MAK16: variants seen among roughly 807,000 people sequenced by gnomAD.
MAK16 encodes the protein MAK16 homolog.
A neutral mutation model predicts 49.9 loss-of-function variants in MAK16; 12 were observed. The observed-to-expected ratio is 0.24, with a 90% CI of 0.15 to 0.39. The LOEUF is 0.39. Among genes scored for constraint, MAK16 ranks in the 10% least tolerant of loss-of-function variants. The pLI, the probability that MAK16 is intolerant of heterozygous loss-of-function variation, is 1.00. For missense variants in MAK16, 292 were observed against 363.7 expected, an observed-to-expected ratio of 0.80 and a Z score of 1.60; for synonymous variants, 115 against 126.4, an observed-to-expected ratio of 0.91 and a Z score of 0.60.
At position 33,489,522 on chromosome 8, in the gene MAK16, A is replaced by G. The variant is rs933719565; in HGVS notation, c.392+383A>G. ...CTCCTGAGCAGCTAGGATTACAGGC[A>G]TGGACCACCATGCCTGGTTAATTTT... On this transcript the variant is annotated intron_variant, in intron 5 of 9. Transcript: ENST00000360128. The surrounding 1 kb of genome is among the most constrained non-coding windows in gnomAD (Gnocchi z 4.2). 2.8e-4 allele frequency among the ~76,000 whole-genome samples: 42 copies of G among 152,254 alleles called. No homozygotes were observed. The highest frequency in any genetic ancestry group is 8.9e-4 in the African/African-American group (37 of 41,562).
At chr8:33,494,964 A>G (rs1021664972) in intron 6 of MAK16, among the ~76,000 whole-genome samples, 4 of 152,130 alleles carry the variant, frequency 2.6e-5, no homozygotes, top group African/African-American at 9.7e-5. Context: ...GTGCCCCTAC[A>G]CAGTTTTACG....
intron 1 of MAK16, among the ~76,000 whole-genome samples, chr8:33,486,321 G>A (rs1026925754): frequency 2.0e-5 from 3 of 152,148 alleles, no homozygotes; most frequent in African/African-American, 4.8e-5. Flanking sequence ...GGGAGGCTGG[G>A]GCTGGAGGAT....
In MAK16 at chr8:33,500,311, G is replaced by A. The variant is rs927679251; in HGVS notation, c.*1682G>A. The A allele has an allele frequency of 6.2e-7, 1 of 1,613,996 alleles. No homozygotes were observed. Among genetic ancestry groups the A allele is most frequent in the African/African-American group, 1.3e-5 (1 of 75,048 alleles). ...GATAATGAGGCCCAACTGAAACCAA[G>A]TTTCAGTCTGCCTTACCTTTACCCG... On this transcript the variant is annotated 3_prime_UTR_variant, in exon 10 of 10. Coordinates refer to ENST00000360128, the MANE Select transcript of MAK16 (RefSeq NM_032509.4).
rs187717897 is a variant in MAK16, at chr8:33,500,625, C to T, written c.*1996C>T. On this transcript the variant is annotated 3_prime_UTR_variant, in exon 10 of 10. Transcript: ENST00000360128. ...TTAGGTCAAAGTTAAATGAAAAAGA[C>T]CTAAAAACAGAACCAAAGACAGCCT... is the stretch of plus-strand genomic sequence containing the variant. 980 of 1,105,926 alleles carry T rather than the reference C, an allele frequency of 8.9e-4. 1 individual carries two copies. Among genetic ancestry groups the T allele is most frequent in the Admixed American group, 3.1e-3 (116 of 37,122 alleles). 68.5% of individuals were successfully genotyped at this position (1,105,926 alleles called of 1,614,324 possible).
At chr8:33,494,865 G>T (rs1357216897) in intron 6 of MAK16, among the ~76,000 whole-genome samples, 1 of 151,492 alleles carries the variant, frequency 6.6e-6, no homozygotes, top group Non-Finnish European at 1.5e-5. Context: ...TGCAAGTTCC[G>T]CCTCCTGGGT....
At chr8:33,493,597 G>GTGT (rs1486635370) in intron 6 of MAK16, among the ~76,000 whole-genome samples, 2 of 152,100 alleles carry the variant, frequency 1.3e-5, no homozygotes, top group Non-Finnish European at 1.5e-5. Context: ...TTGTTGATAG[G>GTGT]TGGTCTCAAG....
At chr8:33,488,849 C>T (rs1341481629) in intron 4 of MAK16, 51 bp downstream of exon 4, 9 of 1,606,876 alleles carry the variant, frequency 5.6e-6, no homozygotes, top group Admixed American at 1.7e-5. Context: ...GCATCAAAGC[C>T]ACATGCTTGA....
In MAK16 at chr8:33,497,381, G is replaced by A. The variant is rs542103716; in HGVS notation, c.705+84G>A. ...AAAAACAGGGAGGTGGCCAGGCACCGTGGTTCACTCCTATAATTGCAGCAC... is the reference window on the plus strand; with the variant it reads ...AAAAACAGGGAGGTGGCCAGGCACCATGGTTCACTCCTATAATTGCAGCAC... On this transcript the variant is annotated intron_variant, in intron 9 of 9. Coordinates refer to ENST00000360128, the MANE Select transcript of MAK16 (RefSeq NM_032509.4). 2.1e-4 allele frequency: 224 copies of A among 1,046,170 alleles called. No individual in the cohort carries two copies. In the African/African-American group the frequency reaches 2.3e-3, roughly 11 times the overall value. The allele number at this position is 1,046,170 out of a possible 1,614,324, so 64.8% of individuals were successfully genotyped here.
chr8:33,500,089 C>T lies in MAK16; in HGVS notation c.*1460C>T, dbSNP rs888961912. On this transcript the variant is annotated 3_prime_UTR_variant, in exon 10 of 10. Transcript: ENST00000360128. ...TTTGCCCATACTGTCTCGTCCTTAG[C>T]CCCAGTGACATGTGCTGATCCTCCT... The T allele has an allele frequency of 2.2e-6, 1 of 465,012 alleles. No individual in the cohort carries two copies. The allele number at this position is 465,012 out of a possible 1,614,324, so 28.8% of individuals were successfully genotyped here.
chr8:33,487,769 G>A (rs1808711061), intron 1 of MAK16, among the ~76,000 whole-genome samples: 1 of 152,084 alleles, frequency 6.6e-6, no homozygotes, highest in South Asian at 2.1e-4. Flanking sequence ...AAAAGGGAAA[G>A]TTACGAAGTA....
Position 33,488,635 on chromosome 8 carries a change from TC to T in MAK16, c.175+10del, listed in dbSNP as rs1808724133. ...CACTATTAAAGAAGAGAAAGGTAAC[TC>T]CCCAGTTTTAACTTCTAGAAGAACT... is the stretch of plus-strand genomic sequence containing the variant. On this transcript the variant is annotated splice_region_variant and intron_variant, in intron 3 of 9. Coordinates refer to ENST00000360128, the MANE Select transcript of MAK16 (RefSeq NM_032509.4). The T allele has an allele frequency of 2.5e-6, 4 of 1,613,536 alleles. No homozygotes were observed. The South Asian group carries it at 4.4e-5, about 18-fold the overall frequency.
chr8:33,487,119 G>A (rs570186581), intron 1 of MAK16, among the ~76,000 whole-genome samples: 67 of 152,212 alleles, frequency 4.4e-4, no homozygotes, highest in African/African-American at 1.6e-3. Flanking sequence ...CGCACTCAAA[G>A]GCTGTCATAC....
At chr8:33,488,208 G>A (rs542040588) in intron 1 of MAK16, among the ~76,000 whole-genome samples, 170 bp from the exon 2 acceptor site, 1 of 152,316 alleles carries the variant, frequency 6.6e-6, no homozygotes, top group African/African-American at 2.4e-5. Flanking sequence ...GATTACAGGC[G>A]TGAGCCACCG....
chr8:33,492,782 TGTTGTG>T (rs1808797847), intron 6 of MAK16, among the ~76,000 whole-genome samples: 1 of 152,112 alleles, frequency 6.6e-6, no homozygotes, highest in African/African-American at 2.4e-5. Flanking sequence ...ATTACTATAG[TGTTGTG>T]GTTGCTATAG....
chr8:33,490,388 GT>G (rs759290114), intron 6 of MAK16, 49 bp downstream of exon 6: 4 of 1,495,704 alleles, frequency 2.7e-6, no homozygotes, highest in Non-Finnish European at 3.7e-6. Context: ...CTTTCTGGGG[GT>G]CTCTTATAGA....
chr8:33,490,228 T>A, intron 5 of MAK16, 57 bp from the exon 6 acceptor site: 1 of 1,435,350 alleles, frequency 7.0e-7, no homozygotes, highest in Non-Finnish European at 9.7e-7. Context: ...CTTCTCATCC[T>A]TAAAAAGGAA....
chr8:33,490,107 G>C (rs979515835), intron 5 of MAK16, among the ~76,000 whole-genome samples, 178 bp from the exon 6 acceptor site: 10 of 152,098 alleles, frequency 6.6e-5, no homozygotes, highest in African/African-American at 2.4e-4. Flanking sequence ...CACCAACCTT[G>C]GGCTCCAAGG....
chr8:33,493,179 AG>A (rs774445996), intron 6 of MAK16, among the ~76,000 whole-genome samples: 1 of 152,120 alleles, frequency 6.6e-6, no homozygotes, highest in East Asian at 1.9e-4. Context: ...TTTGAGACAA[AG>A]GTTCATTCTG....
chr8:33,487,135 C>G (rs537421278), intron 1 of MAK16, among the ~76,000 whole-genome samples: 68 of 152,272 alleles, frequency 4.5e-4, no homozygotes, highest in African/African-American at 1.6e-3. Context: ...CATACTCTTA[C>G]GCATGCTATG....
Sources: gnomAD v4.1 joint callset for allele counts (sites outside exome capture counted in the v4.1 genomes callset) on GRCh38, gnomAD v4.1.1 for gene constraint, Gnocchi (gnomAD v3.1) non-coding constraint, MANE v1.5 for transcripts, NCBI Gene and HGNC (gene_info 2026-07-23, HGNC 2026-07-21) for gene names.